KHDRBS2: variants seen among roughly 807,000 people sequenced by gnomAD.
The protein encoded by KHDRBS2 is KH RNA binding domain containing, signal transduction associated 2, also known as KH domain-containing, RNA-binding, signal transduction-associated protein 2.
Under a neutral mutation model 44.3 loss-of-function variants are expected in KHDRBS2, and 26 were observed. The ratio of observed to expected loss-of-function variants is 0.59; its 90% CI spans 0.43 to 0.81. The LOEUF is 0.81. Among genes scored for constraint, KHDRBS2 ranks in the 40% least tolerant of loss-of-function variants. The pLI, the probability that KHDRBS2 is intolerant of heterozygous loss-of-function variation, is 0.00. For missense variants in KHDRBS2, 476 were observed against 433.1 expected, an observed-to-expected ratio of 1.10 and a Z score of -0.88; for synonymous variants, 194 against 151.1, an observed-to-expected ratio of 1.28 and a Z score of -2.08.
intron 1 of KHDRBS2, among the ~76,000 whole-genome samples, chr6:62,204,574 A>G (rs2150140698): frequency 6.6e-6 from 1 of 152,266 alleles, no homozygotes; most frequent in East Asian, 1.9e-4. Context: ...AAAGTAACCT[A>G]TTTTGGAGCA....
At chr6:61,724,138 C>T (rs976009874) in intron 7 of KHDRBS2, among the ~76,000 whole-genome samples, 3 of 152,020 alleles carry the variant, frequency 2.0e-5, no homozygotes, top group African/African-American at 7.3e-5. Flanking sequence ...CCCTATAAGC[C>T]AGGAGAGATT....
At chr6:61,932,616 C>T (rs777792894) in intron 4 of KHDRBS2, among the ~76,000 whole-genome samples, 4 of 152,174 alleles carry the variant, frequency 2.6e-5, no homozygotes, top group Admixed American at 2.0e-4. Flanking sequence ...CTGGCTAACA[C>T]GGTGAAAACC....
At chr6:61,839,563 G>T (rs1459934291) in intron 6 of KHDRBS2, among the ~76,000 whole-genome samples, 1 of 152,060 alleles carries the variant, frequency 6.6e-6, no homozygotes, top group Non-Finnish European at 1.5e-5. Flanking sequence ...CTTTGGACAA[G>T]TTAATAAACT....
chr6:62,130,526 C>T (rs1810045421), intron 2 of KHDRBS2, among the ~76,000 whole-genome samples: 1 of 151,876 alleles, frequency 6.6e-6, no homozygotes, highest in Non-Finnish European at 1.5e-5. Flanking sequence ...TGTTAATGAG[C>T]AATGGTATTT....
chr6:61,642,252 T>A, the KHDRBS2 span, among the ~76,000 whole-genome samples: 3,721 of 152,266 alleles, frequency 0.024, 70 homozygotes, highest in Middle Eastern at 0.089. Flanking sequence ...TTCACTTTTT[T>A]ATTTGCCATT....
At chr6:61,972,146 C>T (rs1771561078) in intron 4 of KHDRBS2, among the ~76,000 whole-genome samples, 1 of 152,104 alleles carries the variant, frequency 6.6e-6, no homozygotes, top group African/African-American at 2.4e-5. Context: ...AAGCTATTTG[C>T]AGGTCAGTGT....
In KHDRBS2 at chr6:61,997,512, C is replaced by T. The variant is rs77330561; in HGVS notation, c.337-19300G>A. On this transcript the variant is annotated intron_variant, in intron 3 of 8. Transcript: ENST00000281156. ...AACTATACCAGTTTTTCCCAAACAT[C>T]CCTCTCCAGGTCCCTTCTCTTGCAA... is the stretch of plus-strand genomic sequence containing the variant. Among the ~76,000 whole-genome samples, 1,518 of 152,268 alleles carry T rather than the reference C, an allele frequency of 1.0e-2. 16 individuals carry two copies. The highest frequency in any genetic ancestry group is 0.022 in the Admixed American group (331 of 15,290).
intron 6 of KHDRBS2, among the ~76,000 whole-genome samples, chr6:61,830,172 G>A (rs1791569592): frequency 6.6e-6 from 1 of 152,134 alleles, no homozygotes; most frequent in Non-Finnish European, 1.5e-5. Context: ...AGACAATACT[G>A]GAAAGTGGAG....
chr6:62,065,329 C>T (rs1376948284), intron 2 of KHDRBS2, among the ~76,000 whole-genome samples: 1 of 151,908 alleles, frequency 6.6e-6, no homozygotes, highest in East Asian at 1.9e-4. Flanking sequence ...AAGACACATG[C>T]ACATGTATGT....
chr6:62,093,666 AATG>A, intron 2 of KHDRBS2, among the ~76,000 whole-genome samples: 1 of 151,918 alleles, frequency 6.6e-6, no homozygotes, highest in Middle Eastern at 3.4e-3. Flanking sequence ...TCCAAATCCT[AATG>A]ATAACCACTA....
In KHDRBS2 at chr6:62,001,089, T is replaced by C. The variant is rs183922523; in HGVS notation, c.337-22877A>G. ...CCTTCCTGGCCTCATTCAGACATTA[T>C]TGGAATAGCTTCTTACGTTCTGGTC... is the stretch of plus-strand genomic sequence containing the variant. On this transcript the variant is annotated intron_variant, in intron 3 of 8. Transcript: ENST00000281156. Among the ~76,000 whole-genome samples the C allele has an allele frequency of 1.4e-3, 206 of 152,254 alleles. 1 individual carries two copies. The highest frequency in any genetic ancestry group is 3.4e-3 in the Middle Eastern group (1 of 294).
At chr6:61,816,234 T>G (rs1788912978) in intron 6 of KHDRBS2, among the ~76,000 whole-genome samples, 1 of 152,146 alleles carries the variant, frequency 6.6e-6, no homozygotes, top group South Asian at 2.1e-4. Flanking sequence ...ACTGTGAACA[T>G]AACCTTATTT....
At chr6:62,083,531 G>A (rs1298090786) in intron 2 of KHDRBS2, among the ~76,000 whole-genome samples, 2 of 152,094 alleles carry the variant, frequency 1.3e-5, no homozygotes, top group African/African-American at 2.4e-5. Context: ...AAAACTAAAG[G>A]AGCACATTGT....
At chr6:62,020,287 C>T (rs1381024239) in intron 3 of KHDRBS2, among the ~76,000 whole-genome samples, 3 of 151,872 alleles carry the variant, frequency 2.0e-5, no homozygotes, top group Non-Finnish European at 4.4e-5. Flanking sequence ...TTATTGATTC[C>T]TAATTTATGT....
At chr6:61,839,618 T>C (rs1793279145) in intron 6 of KHDRBS2, among the ~76,000 whole-genome samples, 2 of 152,112 alleles carry the variant, frequency 1.3e-5, no homozygotes, top group South Asian at 2.1e-4. Context: ...TTTACCATAA[T>C]AGTAAAATTG....
At chr6:62,095,648 T>A (rs1026188812) in intron 2 of KHDRBS2, among the ~76,000 whole-genome samples, 1 of 151,964 alleles carries the variant, frequency 6.6e-6, no homozygotes, top group African/African-American at 2.4e-5. Context: ...CTGTATATGA[T>A]CATGTTGTCT....
chr6:61,885,574 C>T, intron 6 of KHDRBS2, among the ~76,000 whole-genome samples: 1 of 152,120 alleles, frequency 6.6e-6, no homozygotes, highest in East Asian at 1.9e-4. Flanking sequence ...AATATTTATA[C>T]AACAGAACAG....
Position 62,048,040 on chromosome 6 carries a change from G to A in KHDRBS2, c.220-46C>T, listed in dbSNP as rs779429472. The A allele has an allele frequency of 3.8e-6, 4 of 1,059,694 alleles. No individual in the cohort carries two copies. In the Admixed American group the frequency reaches 6.8e-5, roughly 18 times the overall value. 65.6% of individuals were successfully genotyped at this position (1,059,694 alleles called of 1,614,324 possible). A position where few individuals can be genotyped will look rare whatever the true frequency, so the allele number is the denominator to read the frequency against. On this transcript the variant is annotated intron_variant, in intron 2 of 8. Transcript: ENST00000281156. ...AATGTCTGTTTTAAGGTACAATAAAGTGATTATTTGCACCAAGAGTAATTG... is the reference window on the plus strand; with the variant it reads ...AATGTCTGTTTTAAGGTACAATAAAATGATTATTTGCACCAAGAGTAATTG...
chr6:61,900,202 C>T lies in KHDRBS2; in HGVS notation c.611+1042G>A, dbSNP rs188626249. Among the ~76,000 whole-genome samples, 648 of 151,878 alleles carry T rather than the reference C, an allele frequency of 4.3e-3. 7 individuals are homozygous for T. The highest frequency in any genetic ancestry group is 0.015 in the African/African-American group (622 of 41,464). Reference sequence around the variant, plus strand: ...TTATTTGAGAATTTATCTTTCTTAACTTTTTTTTCTGACCGGTGAGAAACA... The same window carrying T: ...TTATTTGAGAATTTATCTTTCTTAATTTTTTTTTCTGACCGGTGAGAAACA... On this transcript the variant is annotated intron_variant, in intron 5 of 8. Transcript: ENST00000281156.
Sources: gnomAD v4.1 joint callset for allele counts (sites outside exome capture counted in the v4.1 genomes callset) on GRCh38, gnomAD v4.1.1 for gene constraint, MANE v1.5 for transcripts, NCBI Gene and HGNC (gene_info 2026-07-23, HGNC 2026-07-21) for gene names.